The following LRP1B variants were observed in gnomAD, a reference collection of about 807,000 sequenced individuals.
LRP1B encodes the protein low-density lipoprotein receptor-related protein 1B.
Under a neutral mutation model 556.6 loss-of-function variants are expected in LRP1B, and 217 were observed. The observed-to-expected ratio is 0.39, with a 90% CI of 0.35 to 0.44. LRP1B has a LOEUF of 0.44. Ranked by LOEUF, LRP1B falls within the 20% of genes least tolerant of loss-of-function variation. The pLI is 1.00. For missense variants in LRP1B, 5,053 were observed against 5,620.8 expected (o/e 0.90, Z 3.23); for synonymous variants, 2,047 against 1,865.8 (o/e 1.10, Z -2.50).
intron 2 of LRP1B, among the ~76,000 whole-genome samples, chr2:141,710,029 A>G (rs1692301198): frequency 6.6e-6 from 1 of 152,048 alleles, no homozygotes; most frequent in African/African-American, 2.4e-5. Flanking sequence ...TAATCCCATT[A>G]TAAGGGCTCC....
intron 18 of LRP1B, among the ~76,000 whole-genome samples, chr2:140,953,803 T>A (rs1264720069): frequency 1.3e-5 from 2 of 152,170 alleles, no homozygotes; most frequent in Non-Finnish European, 2.9e-5. Flanking sequence ...CTGAGAGAAA[T>A]TAGACTTGCC....
At chr2:140,545,642 T>C (rs1011051274) in intron 43 of LRP1B, among the ~76,000 whole-genome samples, 2 of 152,154 alleles carry the variant, frequency 1.3e-5, no homozygotes, top group Admixed American at 6.6e-5. Flanking sequence ...CATTGGTCTA[T>C]ACGTCAGTTT....
chr2:141,223,841 T>C (rs1225646076), intron 6 of LRP1B, among the ~76,000 whole-genome samples: 2 of 152,142 alleles, frequency 1.3e-5, no homozygotes, highest in African/African-American at 2.4e-5. Context: ...TGCAGAAAAT[T>C]GAAACTGGAC....
chr2:141,863,672 C>G (rs2105790509), intron 1 of LRP1B, among the ~76,000 whole-genome samples: 1 of 152,256 alleles, frequency 6.6e-6, no homozygotes, highest in Middle Eastern at 3.4e-3. Flanking sequence ...ACCACTTCCC[C>G]CTATTTAATG....
chr2:140,479,937 C>T (rs1487188612), intron 59 of LRP1B, among the ~76,000 whole-genome samples: 2 of 152,072 alleles, frequency 1.3e-5, no homozygotes, highest in East Asian at 1.9e-4. Flanking sequence ...ATTAACGTAC[C>T]AATGTATTGG....
At chr2:142,084,904 G>GTA (rs1329762422) in intron 1 of LRP1B, among the ~76,000 whole-genome samples, 5 of 152,146 alleles carry the variant, frequency 3.3e-5, no homozygotes, top group African/African-American at 1.2e-4. Context: ...GAATACATGT[G>GTA]TATAAATATA....
chr2:140,938,764 C>T (rs1695305299), intron 20 of LRP1B, among the ~76,000 whole-genome samples: 1 of 152,168 alleles, frequency 6.6e-6, no homozygotes, highest in Non-Finnish European at 1.5e-5. Context: ...CACTAACATA[C>T]ATTAACTCCC....
At chr2:140,909,660 G>A (rs1694358310) in intron 21 of LRP1B, among the ~76,000 whole-genome samples, 3 of 150,482 alleles carry the variant, frequency 2.0e-5, no homozygotes, top group South Asian at 2.1e-4. Flanking sequence ...AAAGAAATGA[G>A]GTATAATATT....
At chr2:141,425,993 C>A (rs1443216925) in intron 3 of LRP1B, among the ~76,000 whole-genome samples, 2 of 150,864 alleles carry the variant, frequency 1.3e-5, no homozygotes, top group Non-Finnish European at 3.0e-5. Flanking sequence ...GAAGTCCTTG[C>A]CCATGCCTAT....
chr2:141,791,971 G>A (rs746860046), intron 2 of LRP1B, among the ~76,000 whole-genome samples: 1 of 151,788 alleles, frequency 6.6e-6, no homozygotes, highest in Non-Finnish European at 1.5e-5. Flanking sequence ...CATTAACTTC[G>A]GTAAGTGCAC....
At chr2:142,113,484 G>C in intron 1 of LRP1B, among the ~76,000 whole-genome samples, 1 of 80,216 alleles carries the variant, frequency 1.2e-5, no homozygotes, top group African/African-American at 4.3e-5. Context: ...CTTTACAGTT[G>C]CCACAAAAAA....
At chr2:141,625,928 TA>T (rs1688688488) in intron 2 of LRP1B, among the ~76,000 whole-genome samples, 1 of 152,154 alleles carries the variant, frequency 6.6e-6, no homozygotes, top group African/African-American at 2.4e-5. Context: ...TCAAGAGCAT[TA>T]AAAATATATT....
At chr2:141,038,196 C>T (rs1023961701) in intron 11 of LRP1B, among the ~76,000 whole-genome samples, 2 of 151,736 alleles carry the variant, frequency 1.3e-5, no homozygotes, top group African/African-American at 4.8e-5. Context: ...GGCAGAGAAA[C>T]AGAGAATGCA....
chr2:140,769,293 G>T lies in LRP1B; in HGVS notation c.5678C>A (p.Pro1893His), dbSNP rs769274519. 1 of 1,611,860 alleles carries T rather than the reference G, an allele frequency of 6.2e-7. No individual in the cohort carries two copies. The change falls in exon 35 of 91, where the codon CCT becomes CAT. Residue 1893 changes from proline to histidine, a missense_variant. By Grantham distance (77) the Pro-to-His change is moderately conservative (BLOSUM62 -2). This residue lies in a region of LRP1B where 3,619 missense variants were observed against 3,931.9 expected (regional missense o/e 0.92). Coordinates refer to ENST00000389484, the MANE Select transcript of LRP1B (RefSeq NM_018557.3). ...ATCCATTTTGTCACTTGGTTCAAGA[G>T]GTATTCCCCTGATTCCTTCATGAAC... ...YSVHEGIRGIPLEPSDKMDAL... is the reference protein window; with the variant it reads ...YSVHEGIRGIHLEPSDKMDAL...
At chr2:140,916,038 AC>A (rs1694569386) in intron 21 of LRP1B, among the ~76,000 whole-genome samples, 1 of 152,162 alleles carries the variant, frequency 6.6e-6, no homozygotes, top group Non-Finnish European at 1.5e-5. Flanking sequence ...AAGAAAAAAA[AC>A]AAACAAAAAA....
chr2:141,946,993 A>AT (rs573051729), intron 1 of LRP1B, among the ~76,000 whole-genome samples: 5 of 152,016 alleles, frequency 3.3e-5, no homozygotes, highest in East Asian at 1.9e-4. Flanking sequence ...AAAGTGAAGA[A>AT]TTTTTTTTGT....
chr2:140,973,925 A>C (rs924234766), intron 18 of LRP1B, among the ~76,000 whole-genome samples: 1 of 152,146 alleles, frequency 6.6e-6, no homozygotes, highest in East Asian at 1.9e-4. Context: ...TATTAATTTT[A>C]ATAAGATTAT....
At chr2:141,029,938 C>G (rs1283442532) in intron 11 of LRP1B, among the ~76,000 whole-genome samples, 1 of 152,068 alleles carries the variant, frequency 6.6e-6, no homozygotes, top group Non-Finnish European at 1.5e-5. Context: ...AGTAGCAACA[C>G]CCTCTCCAGT....
intron 6 of LRP1B, among the ~76,000 whole-genome samples, chr2:141,201,026 A>G (rs764061437): frequency 1.3e-3 from 195 of 152,186 alleles, no homozygotes; most frequent in Non-Finnish European, 1.9e-3. Flanking sequence ...GAGCTCAAAT[A>G]TAATAAGTCA....
Sources: allele counts gnomAD v4.1 joint callset (sites outside exome capture counted in the v4.1 genomes callset), GRCh38; gene constraint gnomAD v4.1.1; regional missense constraint gnomAD v4.1.1; transcripts MANE v1.5; gene names NCBI Gene and HGNC (gene_info 2026-07-23, HGNC 2026-07-21).